PTN: variants seen among roughly 807,000 people sequenced by gnomAD.
PTN encodes heparin affin regulatory protein.
Under a neutral mutation model 24.1 loss-of-function variants are expected in PTN, and 18 were observed. That is an observed-to-expected ratio of 0.75 (90% CI 0.52 to 1.11). The LOEUF (loss-of-function observed/expected upper bound fraction) is 1.11. PTN is among the 50% of genes least tolerant of loss of function. The pLI, the probability that PTN is intolerant of heterozygous loss-of-function variation, is 0.00. For missense variants in PTN, 163 were observed against 198.8 expected, an observed-to-expected ratio of 0.82 and a Z score of 1.08; for synonymous variants, 78 against 68.6, an observed-to-expected ratio of 1.14 and a Z score of -0.67.
chr7:137,253,434 A>G (rs751131523), intron 3 of PTN, 30 bp downstream of exon 3: 19 of 1,549,700 alleles, frequency 1.2e-5, no homozygotes, highest in Non-Finnish European at 1.6e-5. Context: ...ATCTCAGAGT[A>G]GGAGATTAAC....
chr7:137,297,213 T>G (rs1809732065), intron 1 of PTN, among the ~76,000 whole-genome samples: 1 of 152,156 alleles, frequency 6.6e-6, no homozygotes, highest in Non-Finnish European at 1.5e-5. Context: ...ATCTGTACCA[T>G]CATTTCACTC....
intron 4 of PTN, among the ~76,000 whole-genome samples, chr7:137,233,058 G>A (rs1438001188): frequency 6.6e-6 from 1 of 151,948 alleles, no homozygotes; most frequent in Non-Finnish European, 1.5e-5. Context: ...AGTAAATGCA[G>A]TGAGAAGAAT....
intron 1 of PTN, among the ~76,000 whole-genome samples, chr7:137,281,521 A>T (rs1381620951): frequency 6.6e-6 from 1 of 152,198 alleles, no homozygotes; most frequent in Non-Finnish European, 1.5e-5. Flanking sequence ...CTTGTTAGAA[A>T]TGCAGACTCT....
chr7:137,248,484 A>G (rs962311033), intron 4 of PTN, among the ~76,000 whole-genome samples: 7 of 152,182 alleles, frequency 4.6e-5, no homozygotes, highest in Admixed American at 2.6e-4. Context: ...TCTGGAGTTC[A>G]AGACCAGCCT....
intron 1 of PTN, among the ~76,000 whole-genome samples, chr7:137,264,898 C>G (rs1454216689): frequency 6.6e-6 from 1 of 152,024 alleles, no homozygotes; most frequent in South Asian, 2.1e-4. Flanking sequence ...TTTGGAAACC[C>G]CTTCTAGTGT....
chr7:137,278,991 A>C (rs116802903), intron 1 of PTN, among the ~76,000 whole-genome samples: 4,176 of 149,446 alleles, frequency 0.028, 72 homozygotes, highest in Middle Eastern at 0.046. Context: ...TAAAATAAAG[A>C]AACGGACCAA....
chr7:137,239,439 G>A (rs1808585933), intron 4 of PTN, among the ~76,000 whole-genome samples: 1 of 150,634 alleles, frequency 6.6e-6, no homozygotes, highest in Non-Finnish European at 1.5e-5. Context: ...TAGGGTACAT[G>A]TGCACAATGT....
At chr7:137,235,713 C>A (rs889817479) in intron 4 of PTN, among the ~76,000 whole-genome samples, 2 of 152,244 alleles carry the variant, frequency 1.3e-5, no homozygotes, top group African/African-American at 4.8e-5. Context: ...GTGCTACCCA[C>A]ATGCTGATAC....
At chr7:137,251,007 T>C (rs1240384909) in intron 4 of PTN, among the ~76,000 whole-genome samples, 2 of 152,200 alleles carry the variant, frequency 1.3e-5, no homozygotes, top group East Asian at 1.9e-4. Context: ...GTTAGGAGAC[T>C]GTACCAATCC....
intron 1 of PTN, among the ~76,000 whole-genome samples, chr7:137,292,915 C>CA (rs1809663366): frequency 6.6e-6 from 1 of 152,086 alleles, no homozygotes. Context: ...AAAAAGTAAT[C>CA]AAAATGTGAA....
At position 137,343,426 on chromosome 7, in the gene PTN, T is replaced by C. The variant is rs781261427; in HGVS notation, c.-2+13A>G. 5.9e-6 allele frequency: 3 copies of C among 509,412 alleles called. No individual in the cohort carries two copies. In the East Asian group the frequency reaches 1.7e-4, roughly 28 times the overall value. 31.6% of individuals were successfully genotyped at this position (509,412 alleles called of 1,614,324 possible). On this transcript the variant is annotated intron_variant, in intron 1 of 4. Coordinates refer to ENST00000348225, the MANE Select transcript of PTN (RefSeq NM_002825.7). ...AAGAGCCCTCCGAGAAATCGTACGT[T>C]CCTCTCACTTACTTTGAGTTGGAAA... is the stretch of plus-strand genomic sequence containing the variant.
chr7:137,335,625 G>A (rs1321141395), intron 1 of PTN, among the ~76,000 whole-genome samples: 1 of 152,164 alleles, frequency 6.6e-6, no homozygotes, highest in Non-Finnish European at 1.5e-5. Context: ...CAAGCTAGCA[G>A]TACTGCAGTC....
At chr7:137,258,866 A>G (rs1476091692) in intron 1 of PTN, among the ~76,000 whole-genome samples, 1 of 152,158 alleles carries the variant, frequency 6.6e-6, no homozygotes, top group Non-Finnish European at 1.5e-5. Flanking sequence ...AGGCAAAAAT[A>G]TGGATTCTAA....
At chr7:137,233,569 T>C (rs1403128785) in intron 4 of PTN, among the ~76,000 whole-genome samples, 1 of 151,766 alleles carries the variant, frequency 6.6e-6, no homozygotes, top group Non-Finnish European at 1.5e-5. Flanking sequence ...GGTGGCTTTA[T>C]GGGAGAGTCT....
At chr7:137,330,732 G>C (rs1435599605) in intron 1 of PTN, among the ~76,000 whole-genome samples, 2 of 152,188 alleles carry the variant, frequency 1.3e-5, no homozygotes, top group Non-Finnish European at 2.9e-5. Context: ...ATATTGCTTT[G>C]TCTTGAAACA....
intron 1 of PTN, among the ~76,000 whole-genome samples, chr7:137,269,822 G>A (rs1809243902): frequency 6.6e-6 from 1 of 151,654 alleles, no homozygotes; most frequent in Non-Finnish European, 1.5e-5. Flanking sequence ...TAGTAGAGAT[G>A]GGATTTCACC....
chr7:137,272,738 A>C (rs1809295698), intron 1 of PTN, among the ~76,000 whole-genome samples: 1 of 152,228 alleles, frequency 6.6e-6, no homozygotes. Context: ...AACTAGAAAT[A>C]AAATAATGTC....
intron 1 of PTN, among the ~76,000 whole-genome samples, chr7:137,298,697 G>A (rs762181711): frequency 5.3e-5 from 8 of 151,928 alleles, no homozygotes; most frequent in Non-Finnish European, 1.0e-4. Context: ...ATAGAAGGAA[G>A]CATCCAACTC....
At chr7:137,260,667 A>C (rs889004281) in intron 1 of PTN, among the ~76,000 whole-genome samples, 2 of 152,152 alleles carry the variant, frequency 1.3e-5, no homozygotes, top group African/African-American at 4.8e-5. Context: ...TGATGATTGC[A>C]AATTCATGGT....
Sources: gnomAD v4.1 joint callset for allele counts (sites outside exome capture counted in the v4.1 genomes callset) on GRCh38, gnomAD v4.1.1 for gene constraint, MANE v1.5 for transcripts, NCBI Gene and HGNC (gene_info 2026-07-23, HGNC 2026-07-21) for gene names.